AASDH: variants seen among roughly 807,000 people sequenced by gnomAD.
AASDH encodes the protein beta-alanine-activating enzyme.
A neutral mutation model predicts 102.3 loss-of-function variants in AASDH; 81 were observed. The ratio of observed to expected loss-of-function variants is 0.79; its 90% CI spans 0.66 to 0.95. The LOEUF (loss-of-function observed/expected upper bound fraction) is 0.95, where lower values mean the gene tolerates loss of function less well. Ranked by LOEUF, AASDH falls within the 40% of genes least tolerant of loss-of-function variation. The pLI, the probability that AASDH is intolerant of heterozygous loss-of-function variation, is 0.00. For synonymous variants in AASDH, 398 were observed against 454.0 expected, an observed-to-expected ratio of 0.88 and a Z score of 1.57; for missense variants, 1,203 against 1,266.2, an observed-to-expected ratio of 0.95 and a Z score of 0.76.
chr4:56,355,887 G>T (rs561715500), intron 5 of AASDH, among the ~76,000 whole-genome samples: 2 of 152,094 alleles, frequency 1.3e-5, no homozygotes, highest in African/African-American at 4.8e-5. Flanking sequence ...AAAGCTCTAG[G>T]ATTACAGGCA....
At chr4:56,386,812 AAAAAAAAAAAG>A (rs1273134670) in intron 1 of AASDH, among the ~76,000 whole-genome samples, 1 of 149,116 alleles carries the variant, frequency 6.7e-6, no homozygotes, top group Non-Finnish European at 1.5e-5. Flanking sequence ...AAAAAAAAAA[AAAAAAAAAAAG>A]GAAAAAAAAA....
At chr4:56,346,325 A>T (rs905579638) in intron 11 of AASDH, among the ~76,000 whole-genome samples, 1 of 152,142 alleles carries the variant, frequency 6.6e-6, no homozygotes, top group African/African-American at 2.4e-5. Context: ...GTAGCAAGAG[A>T]GTAGTGGCCA....
At chr4:56,373,881 T>A (rs532550590) in intron 4 of AASDH, among the ~76,000 whole-genome samples, 15 of 151,530 alleles carry the variant, frequency 9.9e-5, no homozygotes, top group Non-Finnish European at 1.8e-4. Context: ...GCATTCAATA[T>A]AAGAAAAGTT....
At chr4:56,358,778 C>T (rs1749926139) in intron 5 of AASDH, among the ~76,000 whole-genome samples, 2 of 151,994 alleles carry the variant, frequency 1.3e-5, no homozygotes, top group African/African-American at 4.8e-5. Context: ...TGCCAATGTG[C>T]TTAAAAAGAA....
intron 4 of AASDH, among the ~76,000 whole-genome samples, chr4:56,371,924 C>T (rs985906730): frequency 4.0e-5 from 6 of 151,246 alleles, no homozygotes; most frequent in South Asian, 2.1e-4. Flanking sequence ...CTACTGTCCC[C>T]GGAATTTCCT....
intron 11 of AASDH, among the ~76,000 whole-genome samples, chr4:56,348,278 G>C (rs1424097986): frequency 6.7e-6 from 1 of 148,794 alleles, no homozygotes; most frequent in East Asian, 2.0e-4. Flanking sequence ...TTTTGAGACA[G>C]AGTCCTGCTC....
intron 5 of AASDH, among the ~76,000 whole-genome samples, chr4:56,366,740 T>C (rs1456989066): frequency 6.6e-6 from 1 of 151,320 alleles, no homozygotes; most frequent in Admixed American, 6.6e-5. Flanking sequence ...AAGAGCTATC[T>C]ATGACAAACC....
At chr4:56,373,228 C>G (rs1751952636) in intron 4 of AASDH, among the ~76,000 whole-genome samples, 1 of 152,146 alleles carries the variant, frequency 6.6e-6, no homozygotes, top group Non-Finnish European at 1.5e-5. Flanking sequence ...CAACCTCTGC[C>G]TCCCAAGTTC....
chr4:56,371,328 C>A (rs1479072992), intron 5 of AASDH, 123 bp downstream of exon 5: 29 of 1,011,790 alleles, frequency 2.9e-5, no homozygotes, highest in Non-Finnish European at 3.9e-5. Flanking sequence ...GGAGACGGCC[C>A]TTGATAATCT....
Position 56,342,851 on chromosome 4 carries a change from G to A in AASDH, c.2891C>T (p.Thr964Ile), listed in dbSNP as rs777259327. Residue 964 changes from threonine to isoleucine, a missense_variant, in exon 14 of 15, where the codon ACT (threonine) becomes ATT (isoleucine). By Grantham distance (89) the Thr-to-Ile change is moderately conservative. Coordinates refer to ENST00000205214, the MANE Select transcript of AASDH (RefSeq NM_181806.4). ...TTCTATTACCTGTTCTCCAAAGTGA[G>A]TAAAGCAGAGTAAATTCCCATCTAC... ...GCVDGNLLCF[T>I]HFGEQVWQFS... The A allele has an allele frequency of 1.4e-6, 2 of 1,477,366 alleles. No individual in the cohort carries two copies. The highest frequency in any genetic ancestry group is 2.5e-5 in the East Asian group (1 of 39,310). The allele number at this position is 1,477,366 out of a possible 1,614,324, so 91.5% of individuals were successfully genotyped here.
intron 4 of AASDH, among the ~76,000 whole-genome samples, chr4:56,377,665 C>A (rs2109993074): frequency 6.6e-6 from 1 of 152,250 alleles, no homozygotes; most frequent in African/African-American, 2.4e-5. Flanking sequence ...AGGTGAAGGG[C>A]CTAGTCTGCA....
In AASDH at chr4:56,347,956, G is replaced by T. The variant is rs571026891; in HGVS notation, c.2488+1307C>A. On this transcript the variant is annotated intron_variant, in intron 11 of 14. Coordinates refer to ENST00000205214, the MANE Select transcript of AASDH (RefSeq NM_181806.4). ...TCACAAGGTCAGGAGTTCAATACCA[G>T]CCTGACCAACATGGTGAAACCCCAT... Among the ~76,000 whole-genome samples the T allele has an allele frequency of 7.2e-5, 11 of 152,040 alleles. No homozygotes were observed. In the South Asian group the frequency reaches 2.3e-3, roughly 32 times the overall value.
At position 56,349,450 on chromosome 4, in the gene AASDH, T is replaced by C. The variant is rs1300482108; in HGVS notation, c.2301A>G (p.Val767=). 6.2e-7 allele frequency: 1 copy of C among 1,614,230 alleles called. No homozygotes were observed. Among genetic ancestry groups the C allele is most frequent in the South Asian group, 1.1e-5 (1 of 91,088 alleles). The change falls in exon 11 of 15, where the codon GTA becomes GTG. Residue 767 remains valine, a synonymous_variant. Transcript: ENST00000205214. ...GTATTACAACCAGCGGTGAAGCATC[T>C]ACACATTTGCCTGTGTCTGACCTCC... The part of the protein sequence containing the change: ...VRWRSDTGKC[V]DASPLVVIPT...
intron 11 of AASDH, among the ~76,000 whole-genome samples, chr4:56,346,420 ATT>A (rs1748335689): frequency 6.6e-6 from 1 of 152,194 alleles, no homozygotes; most frequent in Non-Finnish European, 1.5e-5. Flanking sequence ...ATTCAGTTTA[ATT>A]CCAAAAGACA....
chr4:56,338,819 AT>A, intron 14 of AASDH, 28 bp from the exon 15 acceptor site: 1 of 1,589,360 alleles, frequency 6.3e-7, no homozygotes, highest in Non-Finnish European at 8.6e-7. Flanking sequence ...AATAAATATA[AT>A]TCATTCATCT....
intron 5 of AASDH, among the ~76,000 whole-genome samples, chr4:56,368,897 T>C (rs76652493): frequency 0.017 from 2,378 of 138,126 alleles, 76 homozygotes; most frequent in African/African-American, 0.061. Flanking sequence ...AAATATAAAC[T>C]CCCTCCCAAA....
At chr4:56,384,832 G>A (rs1277968924) in intron 1 of AASDH, among the ~76,000 whole-genome samples, 2 of 152,098 alleles carry the variant, frequency 1.3e-5, no homozygotes, top group Non-Finnish European at 2.9e-5. Flanking sequence ...CCAGCACTTC[G>A]GGAGGCCGAG....
At chr4:56,365,474 G>A (rs1240523766) in intron 5 of AASDH, among the ~76,000 whole-genome samples, 1 of 151,960 alleles carries the variant, frequency 6.6e-6, no homozygotes, top group African/African-American at 2.4e-5. Context: ...TGGAAGTAAA[G>A]CACTCCTCAG....
intron 3 of AASDH, among the ~76,000 whole-genome samples, chr4:56,381,504 G>A (rs1388749265): frequency 6.6e-6 from 1 of 151,896 alleles, no homozygotes; most frequent in Non-Finnish European, 1.5e-5. Context: ...CTTGAACCTG[G>A]GAGGCGGAGG....
Sources: gnomAD v4.1 joint callset for allele counts (sites outside exome capture counted in the v4.1 genomes callset) on GRCh38, gnomAD v4.1.1 for gene constraint, MANE v1.5 for transcripts, NCBI Gene and HGNC (gene_info 2026-07-23, HGNC 2026-07-21) for gene names.